The following UGGT2 variants were observed in gnomAD, a reference collection of about 807,000 sequenced individuals.
The protein encoded by UGGT2 is UDP-glucose glycoprotein glucosyltransferase 2, also known as UDP-glucose:glycoprotein glucosyltransferase 2.
In UGGT2, 180 loss-of-function variants were observed where a neutral mutation model predicts 192.1. The ratio of observed to expected loss-of-function variants is 0.94; its 90% CI spans 0.83 to 1.06. The LOEUF is 1.06. Among genes scored for constraint, UGGT2 ranks in the 50% least tolerant of loss-of-function variants. UGGT2 has a pLI of 0.00. For missense variants in UGGT2, 1,849 were observed against 1,795.7 expected (o/e 1.03, Z -0.54); for synonymous variants, 580 against 591.0 (o/e 0.98, Z 0.27).
At chr13:95,881,402 T>C (rs1443101590) in intron 27 of UGGT2, among the ~76,000 whole-genome samples, 1 of 152,184 alleles carries the variant, frequency 6.6e-6, no homozygotes, top group African/African-American at 2.4e-5. Flanking sequence ...GCTGCAAATG[T>C]GACCTTTTCC....
intron 21 of UGGT2, among the ~76,000 whole-genome samples, chr13:95,902,402 A>G (rs2048128901): frequency 1.3e-5 from 2 of 152,230 alleles, no homozygotes; most frequent in Middle Eastern, 6.8e-3. Flanking sequence ...AAGCTCCACA[A>G]AGAACAGGGA....
Position 95,927,060 on chromosome 13 carries a change from A to G in UGGT2, c.2168T>C (p.Ile723Thr). 1 of 1,610,636 alleles carries G rather than the reference A, an allele frequency of 6.2e-7. No individual in the cohort carries two copies. The highest frequency in any genetic ancestry group is 8.5e-7 in the Non-Finnish European group (1 of 1,179,020). The change falls in exon 19 of 39, where the codon ATT (isoleucine) becomes ACT (threonine). Residue 723 changes from isoleucine to threonine, a missense_variant. Coordinates refer to ENST00000376747, the MANE Select transcript of UGGT2 (RefSeq NM_020121.4). ...FLDSQDKSAV[I>T]AKNMYYLTQD... ...GGTTAAATAATACATGTTCTTTGCA[A>G]TTACAGCACTCTTATCTTGTGAATC... is the stretch of plus-strand genomic sequence containing the variant.
chr13:95,889,419 C>A (rs189284070), intron 25 of UGGT2, among the ~76,000 whole-genome samples: 4 of 152,018 alleles, frequency 2.6e-5, no homozygotes, highest in Non-Finnish European at 4.4e-5. Flanking sequence ...TTTGGCAGTG[C>A]GCACTAAATT....
At position 95,880,426 on chromosome 13, in the gene UGGT2, G is replaced by T. The variant is rs546879337; in HGVS notation, c.3229-2570C>A. Among the ~76,000 whole-genome samples the T allele has an allele frequency of 2.0e-5, 3 of 152,298 alleles. No homozygotes were observed. The East Asian group carries it at 5.8e-4, about 29-fold the overall frequency. ...TCTTGCATCTTATCTCAAGGCAGGT[G>T]AAGGCTGAACTTAAAGACTTTAGTG... is the stretch of plus-strand genomic sequence containing the variant. On this transcript the variant is annotated intron_variant, in intron 27 of 38. Transcript: ENST00000376747.
intron 20 of UGGT2, among the ~76,000 whole-genome samples, chr13:95,919,430 T>C (rs2048779389): frequency 6.6e-6 from 1 of 152,156 alleles, no homozygotes; most frequent in African/African-American, 2.4e-5. Flanking sequence ...TCAAATTACA[T>C]TTGTTTGCAG....
intron 24 of UGGT2, among the ~76,000 whole-genome samples, chr13:95,894,023 A>G (rs1161440716): frequency 6.6e-6 from 1 of 152,160 alleles, no homozygotes; most frequent in Non-Finnish European, 1.5e-5. Context: ...ACAGAGAGGC[A>G]GCAGCAGCAA....
intron 20 of UGGT2, among the ~76,000 whole-genome samples, chr13:95,904,970 T>C (rs1266035144): frequency 6.6e-6 from 1 of 151,900 alleles, no homozygotes; most frequent in Non-Finnish European, 1.5e-5. Flanking sequence ...GTTTCCTGAC[T>C]TTTTAATGAT....
chr13:96,052,080 C>T (rs750035860), intron 1 of UGGT2, among the ~76,000 whole-genome samples: 10 of 152,142 alleles, frequency 6.6e-5, no homozygotes, highest in Non-Finnish European at 1.5e-4. Flanking sequence ...ATCCAAATAC[C>T]CATCAATCAA....
Position 96,016,223 on chromosome 13 carries a change from G to T in UGGT2, c.486-2742C>A, listed in dbSNP as rs150235224. On this transcript the variant is annotated intron_variant, in intron 4 of 38. Transcript: ENST00000376747. ...AAAGTTTGAAAAATTTGCAGCCCTA[G>T]CCAGAAAAGAAAAAGTCCATTTTCA... Among the ~76,000 whole-genome samples the T allele has an allele frequency of 3.4e-3, 516 of 152,308 alleles. 6 individuals are homozygous for T. The highest frequency in any genetic ancestry group is 9.5e-3 in the South Asian group (46 of 4,830).
rs752891729 is a variant in UGGT2, at chr13:95,900,889, T to C, written c.2552A>G (p.Asn851Ser). The change falls in exon 22 of 39, where the codon AAT (asparagine) becomes AGT (serine). Residue 851 changes from asparagine (N) to serine (S), a missense_variant. Asn to Ser is a conservative substitution (Grantham distance 46). Coordinates refer to ENST00000376747, the MANE Select transcript of UGGT2 (RefSeq NM_020121.4). Reference protein sequence around the residue: ...FEKKYNTVGVNIFRTHQLFCQ... With the variant: ...FEKKYNTVGVSIFRTHQLFCQ... ...GAACAACTGGTGAGTTCGAAAAATA[T>C]TCACTCCAACAGTATTATATTTTTT... 19 of 1,611,052 alleles carry C rather than the reference T, an allele frequency of 1.2e-5. No individual in the cohort carries two copies. The East Asian group carries it at 3.8e-4, about 32-fold the overall frequency.
chr13:95,968,410 T>C (rs2050657266), intron 12 of UGGT2, among the ~76,000 whole-genome samples: 1 of 152,180 alleles, frequency 6.6e-6, no homozygotes, highest in Non-Finnish European at 1.5e-5. Context: ...CTGATATAAT[T>C]TGGATACTTG....
chr13:95,963,353 T>C (rs2140720694), intron 12 of UGGT2, among the ~76,000 whole-genome samples: 2 of 152,256 alleles, frequency 1.3e-5, no homozygotes, highest in African/African-American at 4.8e-5. Context: ...CAACATTCAT[T>C]CATGATTAAA....
chr13:95,820,746 T>C (rs1463359609), intron 38 of UGGT2, among the ~76,000 whole-genome samples: 1 of 151,884 alleles, frequency 6.6e-6, no homozygotes, highest in Non-Finnish European at 1.5e-5. Context: ...CTTTTATCCC[T>C]CACTCCCTTT....
intron 7 of UGGT2, chr13:95,990,763 T>C (rs762658361): frequency 1.3e-5 from 2 of 152,198 alleles, no homozygotes; most frequent in Non-Finnish European, 2.9e-5. Context: ...CTGGGATACA[T>C]GTGTAGAACG....
intron 36 of UGGT2, among the ~76,000 whole-genome samples, chr13:95,841,780 T>A (rs751723553): frequency 6.6e-6 from 1 of 152,222 alleles, no homozygotes; most frequent in Non-Finnish European, 1.5e-5. Context: ...GTCACAAAGA[T>A]TTACACCTAT....
At chr13:95,984,737 C>G (rs1241532312) in intron 9 of UGGT2, among the ~76,000 whole-genome samples, 3 of 152,068 alleles carry the variant, frequency 2.0e-5, no homozygotes, top group Admixed American at 2.0e-4. Flanking sequence ...CTAAACATGA[C>G]TAGCTTTTAC....
chr13:95,950,762 A>T (rs966449178), intron 12 of UGGT2, among the ~76,000 whole-genome samples: 3 of 151,992 alleles, frequency 2.0e-5, no homozygotes, highest in African/African-American at 7.2e-5. Flanking sequence ...TTTTTAAAAT[A>T]TAATATTTAT....
chr13:96,046,036 TA>T (rs1174006708), intron 1 of UGGT2, among the ~76,000 whole-genome samples: 1 of 152,182 alleles, frequency 6.6e-6, no homozygotes, highest in African/African-American at 2.4e-5. Flanking sequence ...AAAGCAAGAT[TA>T]AGCAAAAAGA....
chr13:95,955,190 T>C (rs2140656427), intron 12 of UGGT2, among the ~76,000 whole-genome samples: 1 of 152,326 alleles, frequency 6.6e-6, no homozygotes, highest in Non-Finnish European at 1.5e-5. Flanking sequence ...AAATACTATG[T>C]TCCTATTTTT....
Sources: allele counts gnomAD v4.1 joint callset (sites outside exome capture counted in the v4.1 genomes callset), GRCh38; gene constraint gnomAD v4.1.1; transcripts MANE v1.5; gene names NCBI Gene and HGNC (gene_info 2026-07-23, HGNC 2026-07-21).